Variants in HNRNPUL1 observed in about 807,000 individuals in gnomAD.
HNRNPUL1 encodes the protein heterogeneous nuclear ribonucleoprotein U-like protein 1.
HNRNPUL1 carries 14 observed loss-of-function variants against 108.5 expected under a neutral mutation model. The observed-to-expected ratio is 0.13, with a 90% CI of 0.09 to 0.20. The LOEUF is 0.20. HNRNPUL1 is among the 10% of genes least tolerant of loss of function. HNRNPUL1 has a pLI of 1.00. For synonymous variants in HNRNPUL1, 422 were observed against 445.2 expected (o/e 0.95, Z 0.66); for missense variants, 804 against 1,168.3 (o/e 0.69, Z 4.55).
rs556401825 is a variant in HNRNPUL1, at chr19:41,285,380, C to T, written c.999+4105C>T. 2.2e-4 allele frequency among the ~76,000 whole-genome samples: 33 copies of T among 152,268 alleles called. No individual in the cohort carries two copies. In the South Asian group the frequency reaches 6.6e-3, roughly 31 times the overall value. On this transcript the variant is annotated intron_variant, in intron 7 of 14. Coordinates refer to ENST00000392006, the MANE Select transcript of HNRNPUL1 (RefSeq NM_007040.6). Reference sequence around the variant, plus strand: ...CTGGGATTACATACTTGCGCCACCACACCTAGCTAATAATTTGTATTTTTT... The same window carrying T: ...CTGGGATTACATACTTGCGCCACCATACCTAGCTAATAATTTGTATTTTTT...
chr19:41,287,996 A>T (rs1477609145), intron 7 of HNRNPUL1, among the ~76,000 whole-genome samples: 2 of 152,126 alleles, frequency 1.3e-5, no homozygotes, highest in African/African-American at 2.4e-5. Context: ...CACAGACAAT[A>T]TATAGATCTA....
At chr19:41,275,820 A>G (rs1268650176) in intron 4 of HNRNPUL1, among the ~76,000 whole-genome samples, 1 of 152,160 alleles carries the variant, frequency 6.6e-6, no homozygotes, top group Non-Finnish European at 1.5e-5. Context: ...AACATCAGCC[A>G]GGCCGGGCGT....
At position 41,306,453 on chromosome 19, in the gene HNRNPUL1, C is replaced by T. The variant is rs199897477; in HGVS notation, c.2459C>T (p.Ala820Val). The T allele has an allele frequency of 4.4e-6, 7 of 1,578,892 alleles. No individual in the cohort carries two copies. The highest frequency in any genetic ancestry group is 1.4e-5 in the African/African-American group (1 of 73,132). ...GTTCTTGGTTTCTTTCCCCAGTATG[C>T]CCAGCAGTGGAACCAGTACTATCAG... ...QPSYNQYQQY[A>V]QQWNQYYQNQ... The change falls in exon 15 of 15, where the codon GCC becomes GTC. Residue 820 changes from alanine to valine, a missense_variant. Ala to Val is a moderately conservative substitution (Grantham distance 64). Around this residue, in one of 4 missense-constraint regions of HNRNPUL1, gnomAD observed 294 missense variants for 388.3 expected, o/e 0.76. Coordinates refer to ENST00000392006, the MANE Select transcript of HNRNPUL1 (RefSeq NM_007040.6).
At chr19:41,291,991 A>C (rs1460044236) in intron 7 of HNRNPUL1, 18 of 441,680 alleles carry the variant, frequency 4.1e-5, no homozygotes, top group East Asian at 8.9e-5. Context: ...AAAAAAAAAA[A>C]AACAAAAAAA....
At chr19:41,293,706 C>T (rs2036722899) in intron 8 of HNRNPUL1, among the ~76,000 whole-genome samples, 1 of 152,128 alleles carries the variant, frequency 6.6e-6, no homozygotes, top group South Asian at 2.1e-4. Context: ...TCACATAATC[C>T]TGTAAATGGG....
At chr19:41,298,591 C>T (rs74435006) in intron 10 of HNRNPUL1, 1 of 152,272 alleles carries the variant, frequency 6.6e-6, no homozygotes, top group East Asian at 1.9e-4. Flanking sequence ...ACTCTTCTTC[C>T]CTTCCCCAAA....
chr19:41,303,410 A>G (rs895574605), intron 12 of HNRNPUL1, among the ~76,000 whole-genome samples: 6 of 148,346 alleles, frequency 4.0e-5, no homozygotes, highest in Non-Finnish European at 8.9e-5. Context: ...CTAGAGTGCA[A>G]TGGTGTAATC....
intron 5 of HNRNPUL1, 97 bp from the exon 6 acceptor site, chr19:41,278,980 C>T (rs2035744954): frequency 1.2e-6 from 1 of 851,114 alleles, no homozygotes; most frequent in Admixed American, 2.0e-5. Context: ...AAAGCCATTG[C>T]TATTTTTTAA....
chr19:41,286,444 G>A (rs971631841), intron 7 of HNRNPUL1: 4 of 151,938 alleles, frequency 2.6e-5, no homozygotes, highest in African/African-American at 9.7e-5. Context: ...ACAGGGTCTT[G>A]CTGCATTTTC....
At chr19:41,299,136 ATGT>A (rs369575781) in intron 10 of HNRNPUL1, among the ~76,000 whole-genome samples, 1 of 152,108 alleles carries the variant, frequency 6.6e-6, no homozygotes, top group Non-Finnish European at 1.5e-5. Context: ...CTGTAACATG[ATGT>A]TCCTTTTCAA....
At chr19:41,265,917 T>C (rs2034811072) in intron 1 of HNRNPUL1, among the ~76,000 whole-genome samples, 1 of 150,590 alleles carries the variant, frequency 6.6e-6, no homozygotes, top group Non-Finnish European at 1.5e-5. Flanking sequence ...GGCCTCAGAG[T>C]GGAGTGTGGG....
chr19:41,306,245 A>T (rs2037539476), intron 14 of HNRNPUL1, among the ~76,000 whole-genome samples: 1 of 152,176 alleles, frequency 6.6e-6, no homozygotes, highest in Non-Finnish European at 1.5e-5. Context: ...CTGGGTTGAC[A>T]AGCTGAGACC....
intron 7 of HNRNPUL1, among the ~76,000 whole-genome samples, chr19:41,287,576 T>C (rs2036309604): frequency 6.6e-6 from 1 of 152,152 alleles, no homozygotes; most frequent in African/African-American, 2.4e-5. Flanking sequence ...GTTTTTGTTT[T>C]TGAGACAGAG....
Position 41,294,808 on chromosome 19 carries a change from G to A in HNRNPUL1, c.1518+122G>A. On this transcript the variant is annotated intron_variant, in intron 10 of 14. Coordinates refer to ENST00000392006, the MANE Select transcript of HNRNPUL1 (RefSeq NM_007040.6). This position sits in a 1 kb window ranked among gnomAD's most constrained non-coding sequence, Gnocchi z 4.3. ...TGATGATGGACTGCTGTGCTAGTCG[G>A]GGGGGTCAGACCTTGTCATACATGA... 2 of 1,206,794 alleles carry A rather than the reference G, an allele frequency of 1.7e-6. No individual in the cohort carries two copies. The highest frequency in any genetic ancestry group is 1.2e-6 in the Non-Finnish European group (1 of 847,412). 74.8% of individuals were successfully genotyped at this position (1,206,794 alleles called of 1,614,324 possible). A position where few individuals can be genotyped will look rare whatever the true frequency, so the allele number is the denominator to read the frequency against.
chr19:41,288,463 C>T (rs1478990854), intron 7 of HNRNPUL1, among the ~76,000 whole-genome samples: 1 of 151,988 alleles, frequency 6.6e-6, no homozygotes. Flanking sequence ...AGGCTGGTCT[C>T]GAACTCCCGA....
In HNRNPUL1 at chr19:41,292,548, T is replaced by C; in HGVS notation, c.1266+37T>C. 1 of 1,592,608 alleles carries C rather than the reference T, an allele frequency of 6.3e-7. No homozygotes were observed. Among genetic ancestry groups the C allele is most frequent in the Non-Finnish European group, 8.6e-7 (1 of 1,165,224 alleles). On this transcript the variant is annotated intron_variant, in intron 8 of 14. Coordinates refer to ENST00000392006, the MANE Select transcript of HNRNPUL1 (RefSeq NM_007040.6). The surrounding 1 kb of genome is among the most constrained non-coding windows in gnomAD (Gnocchi z 4.1). Reference sequence around the variant, plus strand: ...CAGAATGTATTGGTGGCCACCTTGCTGCCAAGACAGAGGAGACACACACAC... The same window carrying C: ...CAGAATGTATTGGTGGCCACCTTGCCGCCAAGACAGAGGAGACACACACAC...
At chr19:41,270,593 CTTTTTTTTTTTT>C (rs71177707) in intron 2 of HNRNPUL1, among the ~76,000 whole-genome samples, 1 of 118,830 alleles carries the variant, frequency 8.4e-6, no homozygotes. Flanking sequence ...TCTCCCTTCC[CTTTTTTTTTTTT>C]TTTTTTTTGA....
Position 41,292,113 on chromosome 19 carries a change from A to T in HNRNPUL1, c.1000-132A>T. On this transcript the variant is annotated intron_variant, in intron 7 of 14. Transcript: ENST00000392006. The surrounding 1 kb of genome is among the most constrained non-coding windows in gnomAD (Gnocchi z 4.1). ...CACTGATGCTGCCCAGCTTACCTGT[A>T]TGTTGGGGAAGGATGCACTTCAATC... 1.1e-6 allele frequency: 1 copy of T among 900,052 alleles called. No homozygotes were observed. The highest frequency in any genetic ancestry group is 1.5e-5 in the South Asian group (1 of 65,068). The allele number at this position is 900,052 out of a possible 1,614,324, so 55.8% of individuals were successfully genotyped here.
chr19:41,300,758 A>G (rs894885826), intron 10 of HNRNPUL1, among the ~76,000 whole-genome samples: 3 of 152,246 alleles, frequency 2.0e-5, no homozygotes, highest in Non-Finnish European at 4.4e-5. Context: ...CACACCTGCC[A>G]TCACTTAGAG....
Sources: allele counts gnomAD v4.1 joint callset (sites outside exome capture counted in the v4.1 genomes callset), GRCh38; gene constraint gnomAD v4.1.1; regional missense constraint gnomAD v4.1.1; non-coding constraint Gnocchi (gnomAD v3.1); transcripts MANE v1.5; gene names NCBI Gene and HGNC (gene_info 2026-07-23, HGNC 2026-07-21).